The following CAMK4 variants were observed in gnomAD, a reference collection of about 807,000 sequenced individuals.
CAMK4 encodes calcium/calmodulin-dependent protein kinase type IV.
Under a neutral mutation model 44.9 loss-of-function variants are expected in CAMK4, and 22 were observed. The observed-to-expected ratio is 0.49, with a 90% CI of 0.35 to 0.70. CAMK4 has a LOEUF of 0.70. CAMK4 is among the 30% of genes least tolerant of loss of function. CAMK4 has a pLI of 0.01. For synonymous variants in CAMK4, 218 were observed against 215.4 expected (o/e 1.01, Z -0.11); for missense variants, 498 against 586.8 (o/e 0.85, Z 1.56).
At chr5:111,311,153 C>CT (rs950010364) in intron 1 of CAMK4, among the ~76,000 whole-genome samples, 3 of 152,096 alleles carry the variant, frequency 2.0e-5, no homozygotes, top group African/African-American at 7.2e-5. Context: ...TCCCACCACC[C>CT]TTTTTTTATT....
At chr5:111,413,609 C>T (rs150905682) in intron 5 of CAMK4, among the ~76,000 whole-genome samples, 2 of 151,428 alleles carry the variant, frequency 1.3e-5, no homozygotes, top group Admixed American at 6.6e-5. Context: ...GGAGCTAAAG[C>T]TATGAATTGT....
At chr5:111,279,984 A>T (rs1258821656) in intron 1 of CAMK4, among the ~76,000 whole-genome samples, 2 of 152,204 alleles carry the variant, frequency 1.3e-5, no homozygotes, top group Admixed American at 1.3e-4. Context: ...AGGAAGCATT[A>T]TACAGCCGGT....
In CAMK4 at chr5:111,473,896, C is replaced by T. The variant is rs1039810480; in HGVS notation, c.701+510C>T. The stretch of plus-strand genomic sequence containing the variant: ...TTTCAAGGGTCTTAAATTTAACACC[C>T]TACACAAATTTCTTGGGAAAAAAAA... On this transcript the variant is annotated intron_variant, in intron 8 of 10. Coordinates refer to ENST00000282356, the MANE Select transcript of CAMK4 (RefSeq NM_001744.6). Among the ~76,000 whole-genome samples, 4 of 152,184 alleles carry T rather than the reference C, an allele frequency of 2.6e-5. No homozygotes were observed. The East Asian group carries it at 7.7e-4, about 29-fold the overall frequency.
intron 5 of CAMK4, among the ~76,000 whole-genome samples, chr5:111,399,593 T>C (rs937400654): frequency 1.3e-5 from 2 of 152,170 alleles, no homozygotes; most frequent in African/African-American, 4.8e-5. Flanking sequence ...TAAATGGAAA[T>C]TGATGAAAAC....
At chr5:111,351,671 CA>C (rs1278560560) in intron 2 of CAMK4, among the ~76,000 whole-genome samples, 1 of 147,706 alleles carries the variant, frequency 6.8e-6, no homozygotes, top group Non-Finnish European at 1.5e-5. Flanking sequence ...CTCGGCCTCC[CA>C]AAGTGCTGGG....
At chr5:111,434,339 C>T (rs1753571637) in intron 5 of CAMK4, among the ~76,000 whole-genome samples, 1 of 150,742 alleles carries the variant, frequency 6.6e-6, no homozygotes, top group Non-Finnish European at 1.5e-5. Flanking sequence ...AAGGGCCTTA[C>T]TAAGTAGTGA....
rs537060944 is a variant in CAMK4, at chr5:111,487,497, A to G, written c.*3031A>G. The G allele has an allele frequency of 4.6e-5, 7 of 152,214 alleles. No individual in the cohort carries two copies. Among genetic ancestry groups the G allele is most frequent in the East Asian group, 1.9e-4 (1 of 5,202 alleles). 9.4% of individuals were successfully genotyped at this position (152,214 alleles called of 1,614,324 possible). ...TAATTGTCCAGAACAAGTGCATTATATAAATATAATGCAAGCACATGTCAT... is the reference window on the plus strand; with the variant it reads ...TAATTGTCCAGAACAAGTGCATTATGTAAATATAATGCAAGCACATGTCAT... On this transcript the variant is annotated 3_prime_UTR_variant, in exon 11 of 11. Transcript: ENST00000282356.
At chr5:111,225,783 T>A (rs1748160216) in intron 1 of CAMK4, among the ~76,000 whole-genome samples, 1 of 152,216 alleles carries the variant, frequency 6.6e-6, no homozygotes, top group African/African-American at 2.4e-5. Flanking sequence ...GAAGGCTCAT[T>A]GAATATAGAT....
At chr5:111,403,493 G>A (rs542989166) in intron 5 of CAMK4, among the ~76,000 whole-genome samples, 20 of 152,106 alleles carry the variant, frequency 1.3e-4, no homozygotes, top group Admixed American at 2.6e-4. Context: ...AAAGTTTTAA[G>A]AGTTGAAGCA....
chr5:111,337,667 G>A (rs1749464058), intron 1 of CAMK4, among the ~76,000 whole-genome samples: 1 of 151,086 alleles, frequency 6.6e-6, no homozygotes, highest in Non-Finnish European at 1.5e-5. Context: ...GAACAAAGAG[G>A]TTGGAGGTTG....
intron 1 of CAMK4, among the ~76,000 whole-genome samples, chr5:111,334,124 A>G (rs2112728888): frequency 6.6e-6 from 1 of 151,668 alleles, no homozygotes; most frequent in East Asian, 2.0e-4. Flanking sequence ...GTTTAGTATC[A>G]TTAGTATCAT....
chr5:111,396,048 G>A (rs953754881), intron 5 of CAMK4, among the ~76,000 whole-genome samples: 5 of 151,992 alleles, frequency 3.3e-5, no homozygotes, highest in African/African-American at 9.7e-5. Flanking sequence ...CAGGAAGGAG[G>A]GAAGAAAAGA....
At chr5:111,229,756 A>G (rs1196430486) in intron 1 of CAMK4, among the ~76,000 whole-genome samples, 1 of 152,150 alleles carries the variant, frequency 6.6e-6, no homozygotes, top group Non-Finnish European at 1.5e-5. Flanking sequence ...TAGGAATTAA[A>G]AATATACTTG....
chr5:111,263,751 C>G (rs1367701149), intron 1 of CAMK4, among the ~76,000 whole-genome samples: 1 of 152,186 alleles, frequency 6.6e-6, no homozygotes, highest in Non-Finnish European at 1.5e-5. Context: ...CTGTGGCTCT[C>G]AAAACCCCCA....
chr5:111,236,733 A>G (rs1748746767), intron 1 of CAMK4, among the ~76,000 whole-genome samples: 1 of 152,012 alleles, frequency 6.6e-6, no homozygotes, highest in Non-Finnish European at 1.5e-5. Flanking sequence ...ATAATTCCCC[A>G]TCTCCAGTGT....
chr5:111,355,140 C>A (rs1298807920), intron 2 of CAMK4, among the ~76,000 whole-genome samples: 2 of 152,056 alleles, frequency 1.3e-5, no homozygotes, highest in East Asian at 3.9e-4. Context: ...CAATTGAGAT[C>A]TCAGAACACA....
At position 111,392,062 on chromosome 5, in the gene CAMK4, G is replaced by A. The variant is rs937698392; in HGVS notation, c.387-2648G>A. Among the ~76,000 whole-genome samples, 20 of 151,862 alleles carry A rather than the reference G, an allele frequency of 1.3e-4. 1 individual carries two copies. The highest frequency in any genetic ancestry group is 6.2e-4 in the South Asian group (3 of 4,806). ...CTTTTTCAAGCTGTTCTTATTCTTC[G>A]TAATTTTTGACAGCTATATATTGTA... On this transcript the variant is annotated intron_variant, in intron 4 of 10. Transcript: ENST00000282356.
At chr5:111,340,263 T>C (rs1296282345) in intron 1 of CAMK4, among the ~76,000 whole-genome samples, 1 of 151,334 alleles carries the variant, frequency 6.6e-6, no homozygotes, top group African/African-American at 2.4e-5. Flanking sequence ...CTGTATTGAA[T>C]AGAAGTGGTG....
intron 7 of CAMK4, among the ~76,000 whole-genome samples, chr5:111,471,676 A>C (rs1755071156): frequency 6.6e-6 from 1 of 152,226 alleles, no homozygotes. Flanking sequence ...GGTACAAAAA[A>C]TTGTGAAATT....
Sources: gnomAD v4.1 joint callset for allele counts (sites outside exome capture counted in the v4.1 genomes callset) on GRCh38, gnomAD v4.1.1 for gene constraint, MANE v1.5 for transcripts, NCBI Gene and HGNC (gene_info 2026-07-23, HGNC 2026-07-21) for gene names.